ZNF385B: variants seen among roughly 807,000 people sequenced by gnomAD.
The protein encoded by ZNF385B is zinc finger protein 533.
ZNF385B carries 23 observed loss-of-function variants against 39.2 expected under a neutral mutation model. The ratio of observed to expected loss-of-function variants is 0.59; its 90% CI spans 0.42 to 0.83. ZNF385B has a LOEUF of 0.83. Among genes scored for constraint, ZNF385B ranks in the 40% least tolerant of loss-of-function variants. The pLI is 0.00. For missense variants in ZNF385B, 552 were observed against 598.9 expected (o/e 0.92, Z 0.82); for synonymous variants, 205 against 222.6 (o/e 0.92, Z 0.70).
At chr2:179,731,201 C>T (rs1355211915) in intron 3 of ZNF385B, among the ~76,000 whole-genome samples, 3 of 152,154 alleles carry the variant, frequency 2.0e-5, no homozygotes, top group Non-Finnish European at 2.9e-5. Flanking sequence ...TACTTTTTCC[C>T]ACAATTACCA....
chr2:179,609,175 AC>A (rs1689081365), intron 3 of ZNF385B, among the ~76,000 whole-genome samples: 1 of 151,882 alleles, frequency 6.6e-6, no homozygotes, highest in Non-Finnish European at 1.5e-5. Flanking sequence ...CTATCTAACT[AC>A]ATTTTTGTAC....
chr2:179,636,410 T>C (rs1265912827), intron 3 of ZNF385B, among the ~76,000 whole-genome samples: 3 of 152,182 alleles, frequency 2.0e-5, no homozygotes, highest in African/African-American at 7.2e-5. Flanking sequence ...TGAGTAAATA[T>C]ATCTGCGACC....
intron 3 of ZNF385B, among the ~76,000 whole-genome samples, chr2:179,586,287 C>T (rs771153636): frequency 2.6e-5 from 4 of 152,182 alleles, no homozygotes; most frequent in Admixed American, 1.3e-4. Context: ...GTAACAGTCT[C>T]GAAACCACTT....
At chr2:179,493,026 C>A (rs1300809412) in intron 5 of ZNF385B, among the ~76,000 whole-genome samples, 4 of 152,016 alleles carry the variant, frequency 2.6e-5, no homozygotes, top group Non-Finnish European at 4.4e-5. Flanking sequence ...CTTTGATTCA[C>A]CGATAAAATC....
At chr2:179,706,005 T>A (rs1699567939) in intron 3 of ZNF385B, among the ~76,000 whole-genome samples, 1 of 152,202 alleles carries the variant, frequency 6.6e-6, no homozygotes, top group South Asian at 2.1e-4. Context: ...ATTCTTTCAT[T>A]GTACAGCAGA....
intron 3 of ZNF385B, among the ~76,000 whole-genome samples, chr2:179,665,700 G>GC (rs1409033891): frequency 1.3e-5 from 2 of 152,124 alleles, no homozygotes; most frequent in Non-Finnish European, 2.9e-5. Context: ...CAGAGCACCA[G>GC]CTCCCTTCCT....
chr2:179,538,504 C>T (rs1286418432), intron 4 of ZNF385B, among the ~76,000 whole-genome samples: 2 of 151,950 alleles, frequency 1.3e-5, no homozygotes, highest in African/African-American at 2.4e-5. Context: ...ATTTATACTA[C>T]AAGAAAAAAA....
intron 3 of ZNF385B, among the ~76,000 whole-genome samples, chr2:179,634,421 A>T (rs1691538148): frequency 6.6e-6 from 1 of 152,230 alleles, no homozygotes; most frequent in Non-Finnish European, 1.5e-5. Context: ...TAAAAAGAAG[A>T]CATCTATGCA....
intron 5 of ZNF385B, among the ~76,000 whole-genome samples, chr2:179,499,817 G>T (rs976803425): frequency 1.3e-5 from 2 of 151,828 alleles, no homozygotes; most frequent in African/African-American, 4.8e-5. Context: ...AGGATATAAA[G>T]GACCTCCAAA....
chr2:179,735,938 C>T (rs1317836024), intron 3 of ZNF385B, among the ~76,000 whole-genome samples: 6 of 149,444 alleles, frequency 4.0e-5, no homozygotes, highest in African/African-American at 7.4e-5. Flanking sequence ...TGCTAGATGA[C>T]GAGTTAGTGG....
In ZNF385B at chr2:179,769,711, T is replaced by C; in HGVS notation, c.90A>G (p.Ile30Met). The C allele has an allele frequency of 6.2e-7, 1 of 1,614,218 alleles. No homozygotes were observed. Among genetic ancestry groups the C allele is most frequent in the Non-Finnish European group, 8.5e-7 (1 of 1,180,046 alleles). ...NFLRGFEEKG[I>M]KNDRPEDQLS... ...ACTGGTCCTCAGGCCTGTCGTTCTT[T>C]ATCCCCTTTTCTTCAAAGCCCCGTA... Residue 30 changes from isoleucine to methionine, a missense_variant, in exon 3 of 10, where the codon ATA becomes ATG. By Grantham distance (10) the Ile-to-Met change is conservative. Coordinates refer to ENST00000410066, the MANE Select transcript of ZNF385B (RefSeq NM_152520.6).
chr2:179,695,276 G>A (rs1044789240), intron 3 of ZNF385B, among the ~76,000 whole-genome samples: 5 of 151,744 alleles, frequency 3.3e-5, no homozygotes, highest in Non-Finnish European at 7.4e-5. Flanking sequence ...GTTTGAATTT[G>A]GTAAAGGATT....
intron 3 of ZNF385B, among the ~76,000 whole-genome samples, chr2:179,678,189 T>C (rs1697118743): frequency 6.6e-6 from 1 of 152,212 alleles, no homozygotes; most frequent in African/African-American, 2.4e-5. Flanking sequence ...AAATTATCTG[T>C]TTCAGTCAAT....
chr2:179,707,482 T>C (rs1699694394), intron 3 of ZNF385B, among the ~76,000 whole-genome samples: 1 of 152,218 alleles, frequency 6.6e-6, no homozygotes, highest in South Asian at 2.1e-4. Flanking sequence ...TATGGAGGAA[T>C]TGCAGGACAT....
intron 3 of ZNF385B, among the ~76,000 whole-genome samples, chr2:179,708,740 C>T (rs1353124259): frequency 1.3e-5 from 2 of 152,156 alleles, no homozygotes; most frequent in African/African-American, 2.4e-5. Context: ...AGTACAGCTG[C>T]CAGTCCCATG....
chr2:179,611,466 G>A (rs979310118), intron 3 of ZNF385B, among the ~76,000 whole-genome samples: 5 of 152,092 alleles, frequency 3.3e-5, no homozygotes, highest in Non-Finnish European at 7.4e-5. Context: ...GAGGTTTTCT[G>A]CATCCACGTT....
Position 179,508,146 on chromosome 2 carries a change from C to G in ZNF385B, c.552+10382G>C, listed in dbSNP as rs557664151. Among the ~76,000 whole-genome samples the G allele has an allele frequency of 2.0e-5, 3 of 152,184 alleles. No homozygotes were observed. The South Asian group carries it at 6.2e-4, about 32-fold the overall frequency. On this transcript the variant is annotated intron_variant, in intron 5 of 9. Transcript: ENST00000410066. ...TTGTCTTAAACTGTAAAAACTATAG[C>G]CAAATGCCTGCTCAAGCATACTGAA...
chr2:179,662,310 C>T (rs13417121), intron 3 of ZNF385B, among the ~76,000 whole-genome samples: 235 of 150,386 alleles, frequency 1.6e-3, no homozygotes, highest in African/African-American at 5.4e-3. Flanking sequence ...GTGTGAATAA[C>T]AGATCCAGAG....
intron 1 of ZNF385B, among the ~76,000 whole-genome samples, chr2:179,860,531 G>C (rs1326344752): frequency 6.6e-6 from 1 of 152,048 alleles, no homozygotes; most frequent in Non-Finnish European, 1.5e-5. Context: ...AGTGGCCGAG[G>C]CCGCCCGTCA....
Sources: allele counts gnomAD v4.1 joint callset (sites outside exome capture counted in the v4.1 genomes callset), GRCh38; gene constraint gnomAD v4.1.1; transcripts MANE v1.5; gene names NCBI Gene and HGNC (gene_info 2026-07-23, HGNC 2026-07-21).